The following LRP5 variants were observed in gnomAD, a reference collection of about 807,000 sequenced individuals.
LRP5 encodes low-density lipoprotein receptor-related protein 5.
A neutral mutation model predicts 154.1 loss-of-function variants in LRP5; 62 were observed. The ratio of observed to expected loss-of-function variants is 0.40; its 90% CI spans 0.33 to 0.50. The LOEUF (loss-of-function observed/expected upper bound fraction) is 0.50. LRP5 is among the 20% of genes least tolerant of loss of function. LRP5 has a pLI of 0.55. For synonymous variants in LRP5, 966 were observed against 1,011.5 expected (o/e 0.96, Z 0.85); for missense variants, 1,915 against 2,336.7 (o/e 0.82, Z 3.72).
At chr11:68,339,679 T>C (rs560401607) in intron 1 of LRP5, among the ~76,000 whole-genome samples, 1 of 152,336 alleles carries the variant, frequency 6.6e-6, no homozygotes, top group South Asian at 2.1e-4. Flanking sequence ...TTCCTTTTTA[T>C]GGCCCCTCTC....
At chr11:68,434,770 T>C (rs2098673974) in intron 18 of LRP5, among the ~76,000 whole-genome samples, 1 of 140,380 alleles carries the variant, frequency 7.1e-6, no homozygotes, top group Non-Finnish European at 1.7e-5. Context: ...GAGCTGTTGA[T>C]GCCCTCGCTC....
chr11:68,325,858 C>T (rs1238792938), intron 1 of LRP5, among the ~76,000 whole-genome samples: 1 of 152,246 alleles, frequency 6.6e-6, no homozygotes, highest in Non-Finnish European at 1.5e-5. Flanking sequence ...CCTGAGGCTG[C>T]AGAGAGGCAG....
chr11:68,333,703 T>C (rs1423125656), intron 1 of LRP5, among the ~76,000 whole-genome samples: 2 of 152,208 alleles, frequency 1.3e-5, no homozygotes, highest in East Asian at 3.8e-4. Context: ...TGGTTTGAAT[T>C]TTATATAAAG....
chr11:68,397,855 G>T (rs1443552553), intron 7 of LRP5, among the ~76,000 whole-genome samples: 1 of 152,114 alleles, frequency 6.6e-6, no homozygotes, highest in African/African-American at 2.4e-5. Context: ...TAAGTGGGTG[G>T]AGGTGACATC....
intron 1 of LRP5, among the ~76,000 whole-genome samples, chr11:68,320,203 T>C (rs2098595972): frequency 6.6e-6 from 1 of 152,148 alleles, no homozygotes; most frequent in African/African-American, 2.4e-5. Flanking sequence ...ACATAACTCC[T>C]AAAAGGCTGT....
chr11:68,383,212 G>C (rs2098641225), intron 5 of LRP5, among the ~76,000 whole-genome samples: 1 of 152,104 alleles, frequency 6.6e-6, no homozygotes. Context: ...CAGAGGGAAC[G>C]GGCTGGCAAG....
intron 5 of LRP5, 125 bp downstream of exon 5, chr11:68,365,827 T>G (rs1591232968): frequency 9.9e-7 from 1 of 1,006,312 alleles, no homozygotes; most frequent in Non-Finnish European, 1.4e-6. Flanking sequence ...ACTTGGCGGG[T>G]GTGGTGATTC....
chr11:68,306,729 T>TA, the LRP5 span, among the ~76,000 whole-genome samples: 12 of 152,346 alleles, frequency 7.9e-5, 1 homozygote, highest in South Asian at 2.3e-3. Flanking sequence ...CCAGACTACT[T>TA]AGTTTTATTT....
At chr11:68,416,997 C>T (rs975837830) in intron 13 of LRP5, among the ~76,000 whole-genome samples, 7 of 152,340 alleles carry the variant, frequency 4.6e-5, no homozygotes, top group East Asian at 3.8e-4. Context: ...AAATCTCCAT[C>T]AATGACATGT....
Position 68,359,566 on chromosome 11 carries a change from C to T in LRP5, c.686+1719C>T, listed in dbSNP as rs543058240. Among the ~76,000 whole-genome samples, 34 of 152,194 alleles carry T rather than the reference C, an allele frequency of 2.2e-4. 1 individual carries two copies. Among genetic ancestry groups the T allele is most frequent in the African/African-American group, 6.5e-4 (27 of 41,536 alleles). On this transcript the variant is annotated intron_variant, in intron 3 of 22. Coordinates refer to ENST00000294304, the MANE Select transcript of LRP5 (RefSeq NM_002335.4). Reference sequence around the variant, plus strand: ...GGTTGAAACATGCTAATGGTGGTGGCGGTGGCGGCAGCGAATCCTTCCATA... The same window carrying T: ...GGTTGAAACATGCTAATGGTGGTGGTGGTGGCGGCAGCGAATCCTTCCATA...
chr11:68,437,988 T>C (rs2098675948), intron 19 of LRP5, among the ~76,000 whole-genome samples: 1 of 152,202 alleles, frequency 6.6e-6, no homozygotes, highest in South Asian at 2.1e-4. Flanking sequence ...GCCTGGAAAC[T>C]TCCCTATGGG....
chr11:68,394,363 C>T (rs1019894639), intron 7 of LRP5, among the ~76,000 whole-genome samples: 1 of 152,052 alleles, frequency 6.6e-6, no homozygotes, highest in Non-Finnish European at 1.5e-5. Flanking sequence ...CAGGAGGAAG[C>T]GGAGCTGTCC....
In LRP5 at chr11:68,425,100, A is replaced by G; in HGVS notation, c.3237-2A>G. On this transcript the variant is annotated splice_acceptor_variant, in intron 14 of 22. Coordinates refer to ENST00000294304, the MANE Select transcript of LRP5 (RefSeq NM_002335.4). LOFTEE classifies it high-confidence loss of function. ...CGTCCTTCACCCGCCACCCTCCCGC[A>G]GGTACCTGTACTTCACCAACATGCA... 6.2e-7 allele frequency: 1 copy of G among 1,613,432 alleles called. No homozygotes were observed. The highest frequency in any genetic ancestry group is 2.2e-5 in the East Asian group (1 of 44,854).
At chr11:68,388,413 G>T (rs1285521462) in intron 6 of LRP5, among the ~76,000 whole-genome samples, 2 of 152,102 alleles carry the variant, frequency 1.3e-5, no homozygotes, top group African/African-American at 4.8e-5. Context: ...AGGGACATGG[G>T]CTTGGCAGTC....
At chr11:68,381,352 G>A (rs1171387719) in intron 5 of LRP5, among the ~76,000 whole-genome samples, 3 of 152,180 alleles carry the variant, frequency 2.0e-5, no homozygotes, top group Non-Finnish European at 2.9e-5. Context: ...CAGGTTCTGC[G>A]TGTCCATGTG....
chr11:68,403,905 C>T (rs1370751506), intron 8 of LRP5: 5 of 617,722 alleles, frequency 8.1e-6, no homozygotes, highest in Non-Finnish European at 1.4e-5. Context: ...CTAGGAATGT[C>T]GGTAACAATG....
intron 1 of LRP5, among the ~76,000 whole-genome samples, chr11:68,317,253 G>A (rs867841313): frequency 1.3e-5 from 2 of 152,230 alleles, no homozygotes; most frequent in Non-Finnish European, 2.9e-5. Context: ...AAATCGGGAC[G>A]ATGGTGTCCA....
chr11:68,365,701 A>T lies in LRP5; in HGVS notation c.1014A>T (p.Ala338=). The T allele has an allele frequency of 2.8e-6, 1 of 359,942 alleles. No individual in the cohort carries two copies. The highest frequency in any genetic ancestry group is 4.1e-6 in the Non-Finnish European group (1 of 244,330). 22.3% of individuals were successfully genotyped at this position (359,942 alleles called of 1,614,324 possible). A position where few individuals can be genotyped will look rare whatever the true frequency, so the allele number is the denominator to read the frequency against. Residue 338 remains alanine (A), a splice_region_variant and synonymous_variant, in exon 5 of 23, where the codon GCA becomes GCT. Transcript: ENST00000294304. The stretch of plus-strand genomic sequence containing the variant: ...AGGACAACGGCAGGACGTGTAAGGC[A>T]GGTGAGGCGGTGGGACGGGACGGGG... The part of the protein sequence containing the change: ...QLQDNGRTCK[A]GAEEVLLLAR...
chr11:68,348,379 C>T, intron 2 of LRP5, 136 bp downstream of exon 2: 1 of 1,043,264 alleles, frequency 9.6e-7, no homozygotes, highest in Non-Finnish European at 1.3e-6. Flanking sequence ...GGGGTTGGCT[C>T]AGGCCTGTAA....
Sources: gnomAD v4.1 joint callset for allele counts (sites outside exome capture counted in the v4.1 genomes callset) on GRCh38, gnomAD v4.1.1 for gene constraint, MANE v1.5 for transcripts, NCBI Gene and HGNC (gene_info 2026-07-23, HGNC 2026-07-21) for gene names.